Variants in MLIP observed in about 807,000 individuals in gnomAD.
The protein encoded by MLIP is muscular LMNA-interacting protein.
A neutral mutation model predicts 84.8 loss-of-function variants in MLIP; 79 were observed. The ratio of observed to expected loss-of-function variants is 0.93; its 90% CI spans 0.78 to 1.12. The LOEUF (loss-of-function observed/expected upper bound fraction) is 1.12, where lower values mean the gene tolerates loss of function less well. Ranked by LOEUF, MLIP falls within the 50% of genes most tolerant of loss-of-function variation. The pLI is 0.00. For synonymous variants in MLIP, 504 were observed against 463.0 expected (o/e 1.09, Z -1.14); for missense variants, 1,257 against 1,160.6 (o/e 1.08, Z -1.21).
intron 1 of MLIP, among the ~76,000 whole-genome samples, chr6:54,044,627 G>A (rs986722343): frequency 1.1e-4 from 17 of 150,294 alleles, no homozygotes; most frequent in African/African-American, 3.7e-4. Context: ...TATTCCAGCC[G>A]TGGTAGACGT....
At chr6:54,084,268 TA>T (rs1767346816) in intron 1 of MLIP, among the ~76,000 whole-genome samples, 1 of 152,182 alleles carries the variant, frequency 6.6e-6, no homozygotes, top group Admixed American at 6.5e-5. Context: ...GTTCATTACT[TA>T]TTTTTTTTCC....
intron 1 of MLIP, among the ~76,000 whole-genome samples, chr6:54,101,544 T>C (rs554896747): frequency 6.6e-6 from 1 of 152,292 alleles, no homozygotes; most frequent in South Asian, 2.1e-4. Flanking sequence ...AATAAGTAGA[T>C]TTATGTTTTT....
chr6:54,090,762 C>A (rs1330749628), intron 1 of MLIP, among the ~76,000 whole-genome samples: 1 of 151,824 alleles, frequency 6.6e-6, no homozygotes, highest in African/African-American at 2.4e-5. Context: ...ATAATTTTAA[C>A]ATTCATAAGC....
At chr6:54,036,811 A>T (rs553437986) in intron 1 of MLIP, among the ~76,000 whole-genome samples, 19 of 152,172 alleles carry the variant, frequency 1.2e-4, no homozygotes, top group Admixed American at 3.3e-4. Context: ...ATTATTCACA[A>T]TAGCCAAGAT....
At chr6:54,143,157 G>A (rs1772466623) in intron 4 of MLIP, among the ~76,000 whole-genome samples, 1 of 150,686 alleles carries the variant, frequency 6.6e-6, no homozygotes, top group African/African-American at 2.4e-5. Flanking sequence ...GCACTCAGGT[G>A]TTCAATGATT....
intron 1 of MLIP, among the ~76,000 whole-genome samples, chr6:54,026,492 A>G (rs1763810164): frequency 6.6e-6 from 1 of 152,222 alleles, no homozygotes; most frequent in Admixed American, 6.5e-5. Flanking sequence ...TAAAAATTGC[A>G]AAAGAATCTA....
chr6:54,217,204 G>GGACAGCATGAGTGAAGAGGA, intron 11 of MLIP: 1 of 985,310 alleles, frequency 1.0e-6, no homozygotes, highest in Non-Finnish European at 1.2e-6. Context: ...CGTGAAGAGG[G>GGACAGCATGAGTGAAGAGGA]GACAGCATGA....
chr6:54,044,665 A>G (rs1215092031), intron 1 of MLIP, among the ~76,000 whole-genome samples: 1 of 148,586 alleles, frequency 6.7e-6, no homozygotes. Context: ...ACGTCACCTT[A>G]TTTCAAAAGA....
chr6:54,167,111 T>C (rs1582362236), intron 8 of MLIP, among the ~76,000 whole-genome samples: 1 of 151,772 alleles, frequency 6.6e-6, no homozygotes, highest in African/African-American at 2.4e-5. Flanking sequence ...AGTACAAGAG[T>C]TTTGTCCCTA....
chr6:54,251,678 T>G (rs1782522067), intron 12 of MLIP, among the ~76,000 whole-genome samples: 1 of 106,172 alleles, frequency 9.4e-6, no homozygotes, highest in Admixed American at 1.3e-4. Flanking sequence ...TATTATAACA[T>G]ATAATATAAA....
chr6:54,136,715 T>A lies in MLIP; in HGVS notation c.646T>A (p.Leu216Ile). ...ATCTGTCTATTTCTCTTTCCTCTAG[T>A]TAACTTCTTCTCCCACTACCTCTGA... ...GMAPQQKHGQ[L>I]TSSPTTSEQL... The change falls in exon 4 of 14, where the codon TTA becomes ATA. Residue 216 changes from leucine to isoleucine, a missense_variant and splice_region_variant. Leu to Ile is a conservative substitution (Grantham distance 5). Transcript: ENST00000502396. 6.8e-7 allele frequency: 1 copy of A among 1,472,110 alleles called. No individual in the cohort carries two copies. The highest frequency in any genetic ancestry group is 9.0e-7 in the Non-Finnish European group (1 of 1,110,788). The allele number at this position is 1,472,110 out of a possible 1,614,324, so 91.2% of individuals were successfully genotyped here. A position where few individuals can be genotyped will look rare whatever the true frequency, so the allele number is the denominator to read the frequency against.
intron 9 of MLIP, among the ~76,000 whole-genome samples, chr6:54,186,088 G>C (rs816386): frequency 0.095 from 14,495 of 152,140 alleles, 999 homozygotes; most frequent in Admixed American, 0.2. Context: ...TGTGTACAAA[G>C]GACTTCATCA....
Position 54,137,360 on chromosome 6 carries a change from T to C in MLIP, c.1291T>C (p.Phe431Leu). Residue 431 changes from phenylalanine (F) to leucine (L), a missense_variant, in exon 4 of 14, where the codon TTT becomes CTT. Physicochemically the swap from Phe to Leu is conservative, Grantham distance 22. Coordinates refer to ENST00000502396, the MANE Select transcript of MLIP (RefSeq NM_001281747.2). ...LKSNPSHQRP[F>L]SPASCPTFSL... ...GTCAAACCCTTCCCACCAAAGACCC[T>C]TTTCCCCTGCATCCTGTCCCACCTT... 2 of 1,535,938 alleles carry C rather than the reference T, an allele frequency of 1.3e-6. No homozygotes were observed. Among genetic ancestry groups the C allele is most frequent in the Non-Finnish European group, 1.7e-6 (2 of 1,146,842 alleles).
chr6:54,042,205 T>A (rs760704937), intron 1 of MLIP, among the ~76,000 whole-genome samples: 1 of 152,112 alleles, frequency 6.6e-6, no homozygotes, highest in Non-Finnish European at 1.5e-5. Flanking sequence ...TTTCTGTGAA[T>A]AAAACTGAAA....
At chr6:54,104,386 A>G (rs890637703) in intron 1 of MLIP, among the ~76,000 whole-genome samples, 1 of 152,184 alleles carries the variant, frequency 6.6e-6, no homozygotes, top group Non-Finnish European at 1.5e-5. Flanking sequence ...AAAATGGTTC[A>G]CTATGGAATC....
rs755969466 is a variant in MLIP at position 54,136,957 on chromosome 6, G to A, written c.888G>A (p.Thr296=). ...PFSASKGTSS[T]LLFPHSTQLS... ...CTGCATCGAAGGGCACCTCCTCGAC[G>A]TTACTGTTTCCCCATTCCACTCAAC... is the stretch of plus-strand genomic sequence containing the variant. The change falls in exon 4 of 14, where the codon ACG becomes ACA. Residue 296 remains threonine (T), a synonymous_variant. Transcript: ENST00000502396. 2 of 1,535,962 alleles carry A rather than the reference G, an allele frequency of 1.3e-6. No homozygotes were observed. Among genetic ancestry groups the A allele is most frequent in the Admixed American group, 2.0e-5 (1 of 50,976 alleles).
At chr6:54,037,861 T>C (rs1445774083) in intron 1 of MLIP, among the ~76,000 whole-genome samples, 1 of 151,888 alleles carries the variant, frequency 6.6e-6, no homozygotes, top group Non-Finnish European at 1.5e-5. Context: ...AGTTGTGGGG[T>C]TGTCTTTGGC....
Position 54,138,138 on chromosome 6 carries a change from C to T in MLIP, c.2069C>T (p.Ser690Leu). The change falls in exon 4 of 14, where the codon TCA (serine) becomes TTA (leucine). Residue 690 changes from serine (S) to leucine (L), a missense_variant. Physicochemically the swap from Ser to Leu is moderately radical, Grantham distance 145. Transcript: ENST00000502396. ...CATTGCGGCAGTGGTACCTTGCCTTCAAGACTTGGGAAATCTGAAAGCACC... is the reference window on the plus strand; with the variant it reads ...CATTGCGGCAGTGGTACCTTGCCTTTAAGACTTGGGAAATCTGAAAGCACC... ...HPHCGSGTLP[S>L]RLGKSESTTP... 1 of 1,536,126 alleles carries T rather than the reference C, an allele frequency of 6.5e-7. No homozygotes were observed. Among genetic ancestry groups the T allele is most frequent in the Non-Finnish European group, 8.7e-7 (1 of 1,146,886 alleles).
At chr6:54,115,094 A>G (rs1769794685) in intron 1 of MLIP, among the ~76,000 whole-genome samples, 1 of 152,202 alleles carries the variant, frequency 6.6e-6, no homozygotes. Context: ...TGAATGGGCT[A>G]TGGAAGTATA....
Sources: allele counts gnomAD v4.1 joint callset (sites outside exome capture counted in the v4.1 genomes callset), GRCh38; gene constraint gnomAD v4.1.1; transcripts MANE v1.5; gene names NCBI Gene and HGNC (gene_info 2026-07-23, HGNC 2026-07-21).